Variants in ATM observed in about 807,000 individuals in gnomAD.
ATM encodes the protein ATM serine/threonine kinase.
Under a neutral mutation model 387.0 loss-of-function variants are expected in ATM, and 308 were observed. The ratio of observed to expected loss-of-function variants is 0.80; its 90% CI spans 0.73 to 0.87. ATM has a LOEUF of 0.87. ATM is among the 40% of genes least tolerant of loss of function. The probability of loss-of-function intolerance (pLI) is 0.00; values close to 1 mark genes in which losing one functional copy is unlikely to be tolerated. For missense variants in ATM, 3,312 were observed against 3,560.9 expected (o/e 0.93, Z 1.78); for synonymous variants, 1,156 against 1,187.3 (o/e 0.97, Z 0.54).
intron 18 of ATM, among the ~76,000 whole-genome samples, chr11:108,270,696 TA>T (rs1282974809): frequency 2.0e-5 from 3 of 151,902 alleles, no homozygotes; most frequent in East Asian, 3.9e-4. Flanking sequence ...TTTATATACT[TA>T]AAAAAAATTT....
chr11:108,251,334 A>G (rs771166406), intron 10 of ATM, among the ~76,000 whole-genome samples: 13 of 152,220 alleles, frequency 8.5e-5, no homozygotes, highest in Non-Finnish European at 1.8e-4. Context: ...TAATAGAGTT[A>G]TATATTATCA....
chr11:108,354,746 G>C (rs139490310), intron 60 of ATM, 65 bp from the exon 61 acceptor site: 1 of 1,353,822 alleles, frequency 7.4e-7, no homozygotes, highest in Non-Finnish European at 1.1e-6. Context: ...AGAGTATACA[G>C]ATAAAGATAC....
Position 108,321,411 on chromosome 11 carries a change from T to G in ATM, c.6563T>G (p.Leu2188Arg). Residue 2188 changes from leucine to arginine, a missense_variant, in exon 45 of 63, where the codon CTT becomes CGT. By Grantham distance (102) the Leu-to-Arg change is moderately radical. Transcript: ENST00000675843. Reference sequence around the variant, plus strand: ...GGAGAGCTGGAAAGCATTGGGGAGCTTTTCTCAAGGTATGTAATTCGTATG... The same window carrying G: ...GGAGAGCTGGAAAGCATTGGGGAGCGTTTCTCAAGGTATGTAATTCGTATG... ...AIGELESIGELFSRSVTHRQL... is the reference protein window; with the variant it reads ...AIGELESIGERFSRSVTHRQL... 6.2e-7 allele frequency: 1 copy of G among 1,614,042 alleles called. No homozygotes were observed. Among genetic ancestry groups the G allele is most frequent in the East Asian group, 2.2e-5 (1 of 44,874 alleles).
At chr11:108,340,917 T>C (rs1488872320) in intron 56 of ATM, among the ~76,000 whole-genome samples, 1 of 152,210 alleles carries the variant, frequency 6.6e-6, no homozygotes, top group Non-Finnish European at 1.5e-5. Context: ...TTTTATTTTT[T>C]ATTGTATTGT....
At chr11:108,319,455 C>T (rs771838520) in intron 43 of ATM, among the ~76,000 whole-genome samples, 5 of 152,100 alleles carry the variant, frequency 3.3e-5, no homozygotes, top group Non-Finnish European at 5.9e-5. Context: ...TCTTTTCATT[C>T]GGACCCTAGT....
chr11:108,245,051 T>G lies in ATM; in HGVS notation c.901+25T>G, dbSNP rs1800735. 0.012 allele frequency: 18,236 copies of G among 1,555,922 alleles called. 1,542 individuals carry two copies. In the African/African-American group the frequency reaches 0.2, roughly 17 times the overall value. ...GGTATAAAGGAAATGTTTACTGTTT[T>G]GAATTTGCTTCTTCATTCAAACATA... On this transcript the variant is annotated intron_variant, in intron 7 of 62. Coordinates refer to ENST00000675843, the MANE Select transcript of ATM (RefSeq NM_000051.4).
chr11:108,285,399 A>G (rs968118959), intron 26 of ATM, among the ~76,000 whole-genome samples: 1 of 152,008 alleles, frequency 6.6e-6, no homozygotes, highest in African/African-American at 2.4e-5. Flanking sequence ...GGAGTCAAGT[A>G]AGGAAGGATT....
In ATM at chr11:108,319,988, T is replaced by C. The variant is rs753646931; in HGVS notation, c.6382T>C (p.Leu2128=). 5.1e-5 allele frequency: 82 copies of C among 1,612,714 alleles called. 1 individual carries two copies. The Middle Eastern group carries it at 8.2e-4, about 16-fold the overall frequency. ...EVEGTSYHES[L]YNALQSLRDR... ...AGAAGGAACCAGTTACCATGAATCA[T>C]TGTACAATGCTCTACAATCTCTAAG... The change falls in exon 44 of 63, where the codon TTG becomes CTG. Residue 2128 remains leucine (L), a synonymous_variant. Transcript: ENST00000675843.
At chr11:108,264,585 C>G (rs2081107112) in intron 16 of ATM, among the ~76,000 whole-genome samples, 1 of 149,382 alleles carries the variant, frequency 6.7e-6, no homozygotes, top group Non-Finnish European at 1.5e-5. Context: ...ACAGGGATGC[C>G]CTCTCTCACC....
Position 108,287,712 on chromosome 11 carries a change from C to A in ATM, c.4106C>A (p.Ser1369Ter), listed in dbSNP as rs1057520640. Residue 1369 changes from serine (S) to a stop codon, truncating the protein, a stop_gained, in exon 27 of 63, where the codon TCA (serine) becomes TAA (stop). Coordinates refer to ENST00000675843, the MANE Select transcript of ATM (RefSeq NM_000051.4). LOFTEE classifies it high-confidence loss of function. ...CAGAGCACTGACCTCTGTGACTTTT[C>A]AGGGTATGTACATTTTAAACTTAGA... is the stretch of plus-strand genomic sequence containing the variant. ...ASQSTDLCDFSGDLDPAPNPP... is the reference protein window; with the variant it reads ...ASQSTDLCDF The A allele has an allele frequency of 6.2e-7, 1 of 1,608,744 alleles. No homozygotes were observed. The highest frequency in any genetic ancestry group is 8.5e-7 in the Non-Finnish European group (1 of 1,175,668).
rs2083590541 is a variant in ATM, at chr11:108,304,680, A to G, written c.5502A>G (p.Lys1834=). 2 of 1,613,634 alleles carry G rather than the reference A, an allele frequency of 1.2e-6. No individual in the cohort carries two copies. The highest frequency in any genetic ancestry group is 2.2e-5 in the South Asian group (2 of 91,072). ...LQLLKPMCEV[K]TDFCQTVLPY... ...GATTTGTTTGTATATTCTAGGTGAA[A>G]ACTGACTTTTGTCAGACTGTACTTC... The change falls in exon 37 of 63, where the codon AAA becomes AAG. Residue 1834 remains lysine (K), a synonymous_variant. Coordinates refer to ENST00000675843, the MANE Select transcript of ATM (RefSeq NM_000051.4).
In ATM at chr11:108,251,839, C is replaced by T. The variant is rs587782463; in HGVS notation, c.1610C>T (p.Pro537Leu). The stretch of plus-strand genomic sequence containing the variant: ...AATTGTCCTTTGTTTTGTTATAGTC[C>T]TGCAGTATGCTGTTTGACTTTGGCA... ...FTGSACRPSC[P>L]AVCCLTLALT... The change falls in exon 11 of 63, where the codon CCT becomes CTT. Residue 537 changes from proline (P) to leucine (L), a missense_variant and splice_region_variant. By Grantham distance (98) the Pro-to-Leu change is moderately conservative (BLOSUM62 -3). This residue lies in a region of ATM where 1,791 missense variants were observed against 1,804.5 expected (regional missense o/e 0.99). Coordinates refer to ENST00000675843, the MANE Select transcript of ATM (RefSeq NM_000051.4). 1 of 1,613,690 alleles carries T rather than the reference C, an allele frequency of 6.2e-7. No homozygotes were observed. Among genetic ancestry groups the T allele is most frequent in the South Asian group, 1.1e-5 (1 of 91,028 alleles).
At chr11:108,287,832 T>A (rs2082574890) in intron 27 of ATM, 117 bp downstream of exon 27, 3 of 762,420 alleles carry the variant, frequency 3.9e-6, no homozygotes, top group East Asian at 2.7e-5. Flanking sequence ...TTTTAAAAAA[T>A]TTTCTTTAAA....
intron 43 of ATM, 131 bp downstream of exon 43, chr11:108,317,652 T>TATATATATATATATATATAC (rs1399501257): frequency 2.6e-5 from 3 of 117,456 alleles, no homozygotes; most frequent in South Asian, 2.9e-4. Context: ...TATATATATA[T>TATATATATATATATATATAC]ACACACACAC....
intron 60 of ATM, 134 bp downstream of exon 60, chr11:108,354,014 G>A: frequency 1.2e-6 from 1 of 825,314 alleles, no homozygotes; most frequent in Non-Finnish European, 2.0e-6. Context: ...CCAGGAGTTT[G>A]AGTCCAGCCT....
At chr11:108,312,553 A>G (rs528001476) in intron 40 of ATM, 55 bp downstream of exon 40, 1 of 1,303,734 alleles carries the variant, frequency 7.7e-7, no homozygotes, top group African/African-American at 1.5e-5. Context: ...ACTTTGGGTT[A>G]TTTTGTTATA....
At chr11:108,260,781 G>C (rs1379410994) in intron 16 of ATM, among the ~76,000 whole-genome samples, 1 of 152,198 alleles carries the variant, frequency 6.6e-6, no homozygotes, top group Non-Finnish European at 1.5e-5. Context: ...CAGTGGGTGT[G>C]CGCACCGTGC....
chr11:108,299,979 T>C, intron 34 of ATM, 94 bp downstream of exon 34: 1 of 1,242,648 alleles, frequency 8.0e-7, no homozygotes, highest in Non-Finnish European at 1.1e-6. Flanking sequence ...AACTAAAGCT[T>C]TGTCCTTTTT....
intron 61 of ATM, among the ~76,000 whole-genome samples, chr11:108,357,365 G>A (rs958227795): frequency 1.3e-5 from 2 of 152,360 alleles, no homozygotes; most frequent in Admixed American, 6.5e-5. Context: ...GCGAGGCTGG[G>A]GGAGGGGCGC....
Sources: allele counts gnomAD v4.1 joint callset (sites outside exome capture counted in the v4.1 genomes callset), GRCh38; gene constraint gnomAD v4.1.1; regional missense constraint gnomAD v4.1.1; transcripts MANE v1.5; gene names NCBI Gene and HGNC (gene_info 2026-07-23, HGNC 2026-07-21).